The following TRPC3 variants were observed in gnomAD, a reference collection of about 807,000 sequenced individuals.
TRPC3 encodes the protein short transient receptor potential channel 3.
In TRPC3, 54 loss-of-function variants were observed where a neutral mutation model predicts 90.9. The ratio of observed to expected loss-of-function variants is 0.59; its 90% CI spans 0.48 to 0.75. The LOEUF is 0.75. TRPC3 is among the 30% of genes least tolerant of loss of function. The pLI is 0.00. For missense variants in TRPC3, 918 were observed against 1,194.5 expected (o/e 0.77, Z 3.41); for synonymous variants, 424 against 450.9 (o/e 0.94, Z 0.75).
intron 1 of TRPC3, chr4:121,950,615 T>A (rs1431954783): frequency 6.6e-6 from 1 of 152,228 alleles, no homozygotes; most frequent in Non-Finnish European, 1.5e-5. Flanking sequence ...GATTGGAAAT[T>A]AAGAAAAGTT....
chr4:121,899,269 A>G (rs1002279577), intron 10 of TRPC3, among the ~76,000 whole-genome samples: 1 of 152,022 alleles, frequency 6.6e-6, no homozygotes, highest in Non-Finnish European at 1.5e-5. Flanking sequence ...ATTCTAACAT[A>G]CTCTGTCTTC....
At chr4:121,895,180 G>C (rs1728476210) in intron 10 of TRPC3, among the ~76,000 whole-genome samples, 1 of 151,846 alleles carries the variant, frequency 6.6e-6, no homozygotes, top group Non-Finnish European at 1.5e-5. Context: ...TAAGGGGCAA[G>C]TTTATAGCAA....
chr4:121,921,906 T>TG lies in TRPC3; in HGVS notation c.1176+3111dup, dbSNP rs1266200780. ...GAAAACGAAGGAAGCCTTTGTTTTT[T>TG]GGGTTTTTTTTTGTTTTTTTTTTTT... On this transcript the variant is annotated intron_variant, in intron 3 of 11. Transcript: ENST00000379645. Among the ~76,000 whole-genome samples the TG allele has an allele frequency of 4.1e-3, 583 of 143,726 alleles. 3 individuals are homozygous for TG. The highest frequency in any genetic ancestry group is 0.014 in the African/African-American group (565 of 38,996). 94.3% of individuals were successfully genotyped at this position (143,726 alleles called of 152,430 possible).
In TRPC3 at chr4:121,887,684, G is replaced by A. The variant is rs533855257; in HGVS notation, c.2548-5255C>T. Among the ~76,000 whole-genome samples the A allele has an allele frequency of 2.6e-5, 4 of 152,324 alleles. No homozygotes were observed. In the South Asian group the frequency reaches 8.3e-4, roughly 32 times the overall value. On this transcript the variant is annotated intron_variant, in intron 10 of 11. Transcript: ENST00000379645. ...AGATCTGCCAGCAAGAGACAACAGAGAGAATAAAACTCAAGAACTCATAGT... is the reference window on the plus strand; with the variant it reads ...AGATCTGCCAGCAAGAGACAACAGAAAGAATAAAACTCAAGAACTCATAGT...
Position 121,899,709 on chromosome 4 carries a change from C to T in TRPC3, c.2464-14G>A, listed in dbSNP as rs201660405. Reference sequence around the variant, plus strand: ...GAAGAGGTTTAACTAGGAAAAAATACAATTAACCTAGTAAATTAGAATACA... The same window carrying T: ...GAAGAGGTTTAACTAGGAAAAAATATAATTAACCTAGTAAATTAGAATACA... On this transcript the variant is annotated splice_polypyrimidine_tract_variant and intron_variant, in intron 9 of 11. Coordinates refer to ENST00000379645, the MANE Select transcript of TRPC3 (RefSeq NM_001130698.2). 8.4e-6 allele frequency: 13 copies of T among 1,552,626 alleles called. No homozygotes were observed. The highest frequency in any genetic ancestry group is 1.2e-5 in the Non-Finnish European group (13 of 1,125,574).
chr4:121,895,633 C>T (rs76241690), intron 10 of TRPC3, among the ~76,000 whole-genome samples: 4,474 of 151,778 alleles, frequency 0.029, 93 homozygotes, highest in East Asian at 0.052. Flanking sequence ...CAAGATTGAA[C>T]CAAGAAGAAA....
At chr4:121,890,317 T>A (rs1192561643) in intron 10 of TRPC3, among the ~76,000 whole-genome samples, 1 of 152,090 alleles carries the variant, frequency 6.6e-6, no homozygotes, top group Non-Finnish European at 1.5e-5. Flanking sequence ...AGAGAGGATT[T>A]TGAATGGTCT....
chr4:121,917,272 C>T (rs773800634), intron 3 of TRPC3, among the ~76,000 whole-genome samples: 2 of 152,116 alleles, frequency 1.3e-5, no homozygotes, highest in Admixed American at 6.5e-5. Context: ...TTTGAACTCA[C>T]GAATATCAAA....
intron 3 of TRPC3, among the ~76,000 whole-genome samples, chr4:121,915,962 AT>A (rs1057130566): frequency 3.3e-5 from 5 of 152,346 alleles, no homozygotes; most frequent in Admixed American, 3.3e-4. Flanking sequence ...CAACACAAAA[AT>A]CAAGGTGTCA....
At chr4:121,882,906 G>T (rs1258527707) in intron 10 of TRPC3, among the ~76,000 whole-genome samples, 1 of 151,758 alleles carries the variant, frequency 6.6e-6, no homozygotes, top group Non-Finnish European at 1.5e-5. Context: ...TTTTCATTTT[G>T]GTGTATGCCC....
chr4:121,891,358 T>G (rs564942877), intron 10 of TRPC3, among the ~76,000 whole-genome samples: 1 of 152,178 alleles, frequency 6.6e-6, no homozygotes, highest in African/African-American at 2.4e-5. Flanking sequence ...AAGACAAAGT[T>G]AAGCTAAGAA....
chr4:121,941,741 G>A (rs1730319743), intron 1 of TRPC3, among the ~76,000 whole-genome samples: 1 of 152,208 alleles, frequency 6.6e-6, no homozygotes, highest in African/African-American at 2.4e-5. Flanking sequence ...AGGCTTATGT[G>A]TATGTGGTTG....
chr4:121,909,551 C>T (rs1019668700), intron 6 of TRPC3, among the ~76,000 whole-genome samples: 3 of 152,058 alleles, frequency 2.0e-5, no homozygotes, highest in African/African-American at 7.2e-5. Context: ...TCTTTCACAC[C>T]GGATGTCAGC....
intron 11 of TRPC3, 111 bp downstream of exon 11, chr4:121,882,243 G>T (rs977509376): frequency 2.4e-6 from 2 of 822,318 alleles, no homozygotes; most frequent in South Asian, 1.9e-5. Flanking sequence ...CATCTTAGAG[G>T]CATCCAAACT....
intron 7 of TRPC3, 21 bp downstream of exon 7, chr4:121,907,282 A>G: frequency 1.3e-6 from 2 of 1,589,154 alleles, no homozygotes; most frequent in Non-Finnish European, 1.7e-6. Flanking sequence ...TCATACCTGT[A>G]TAATAAGATA....
rs57064484 is a variant in TRPC3 at position 121,925,995 on chromosome 4, T to G, written c.988-789A>C. Among the ~76,000 whole-genome samples, 775 of 152,322 alleles carry G rather than the reference T, an allele frequency of 5.1e-3. 6 individuals are homozygous for G. The highest frequency in any genetic ancestry group is 0.018 in the African/African-American group (751 of 41,576). On this transcript the variant is annotated intron_variant, in intron 2 of 11. Coordinates refer to ENST00000379645, the MANE Select transcript of TRPC3 (RefSeq NM_001130698.2). Reference sequence around the variant, plus strand: ...ATGGCAATTTTTCTAAAATGGCAATTTGATGTAGAAGATCAACTATATGTG... The same window carrying G: ...ATGGCAATTTTTCTAAAATGGCAATGTGATGTAGAAGATCAACTATATGTG...
At chr4:121,921,341 T>C (rs1340318927) in intron 3 of TRPC3, among the ~76,000 whole-genome samples, 1 of 151,174 alleles carries the variant, frequency 6.6e-6, no homozygotes, top group Non-Finnish European at 1.5e-5. Flanking sequence ...GCTAAAACGG[T>C]GAAACCCCGT....
intron 2 of TRPC3, among the ~76,000 whole-genome samples, chr4:121,926,771 G>A (rs550541535): frequency 6.6e-6 from 1 of 152,248 alleles, no homozygotes; most frequent in Admixed American, 6.5e-5. Context: ...AACTTGTCCA[G>A]TTCATTATCC....
chr4:121,898,180 TA>T, intron 10 of TRPC3, among the ~76,000 whole-genome samples: 1 of 152,048 alleles, frequency 6.6e-6, no homozygotes, highest in Admixed American at 6.5e-5. Context: ...TAGGGAGGGA[TA>T]TGGAGAGATT....
Sources: gnomAD v4.1 joint callset for allele counts (sites outside exome capture counted in the v4.1 genomes callset) on GRCh38, gnomAD v4.1.1 for gene constraint, MANE v1.5 for transcripts, NCBI Gene and HGNC (gene_info 2026-07-23, HGNC 2026-07-21) for gene names.